PTPRG: variants seen among roughly 807,000 people sequenced by gnomAD.
The protein encoded by PTPRG is protein tyrosine phosphatase receptor type G.
In PTPRG, 102 loss-of-function variants were observed where a neutral mutation model predicts 165.3. The observed-to-expected ratio is 0.62, with a 90% CI of 0.53 to 0.73. The LOEUF is 0.73. PTPRG is among the 30% of genes least tolerant of loss of function. The pLI is 0.00. For synonymous variants in PTPRG, 675 were observed against 669.5 expected (o/e 1.01, Z -0.13); for missense variants, 1,866 against 1,861.4 (o/e 1.00, Z -0.05).
At chr3:61,702,448 G>T (rs2204128) in intron 1 of PTPRG, among the ~76,000 whole-genome samples, 144,205 of 152,316 alleles carry the variant, frequency 0.95, 68,360 homozygotes, top group African/African-American at 0.99. Flanking sequence ...GTCCCTCTTA[G>T]GGAGAGTTAC....
chr3:62,107,206 C>G (rs1702502434), intron 5 of PTPRG, among the ~76,000 whole-genome samples: 1 of 152,202 alleles, frequency 6.6e-6, no homozygotes, highest in African/African-American at 2.4e-5. Flanking sequence ...TCACTAGAAT[C>G]AGATTCGTAG....
chr3:61,687,642 T>G (rs1267116886), intron 1 of PTPRG, among the ~76,000 whole-genome samples: 1 of 152,194 alleles, frequency 6.6e-6, no homozygotes, highest in Non-Finnish European at 1.5e-5. Flanking sequence ...GTTAGGAAAG[T>G]GTGAATTATA....
At chr3:62,177,668 C>G (rs1012189595) in intron 8 of PTPRG, among the ~76,000 whole-genome samples, 2 of 152,142 alleles carry the variant, frequency 1.3e-5, no homozygotes, top group Admixed American at 1.3e-4. Context: ...ACACTTCAGT[C>G]CAGCAGCCAT....
At chr3:62,162,244 G>A (rs1347346774) in intron 7 of PTPRG, among the ~76,000 whole-genome samples, 1 of 152,108 alleles carries the variant, frequency 6.6e-6, no homozygotes, top group East Asian at 1.9e-4. Flanking sequence ...AAGTTGAAAT[G>A]ATTTATATAC....
At chr3:61,821,633 C>G (rs1040264774) in intron 2 of PTPRG, among the ~76,000 whole-genome samples, 1 of 151,952 alleles carries the variant, frequency 6.6e-6, no homozygotes, top group Non-Finnish European at 1.5e-5. Context: ...GCTAGGATGA[C>G]CCTAAGCATA....
At chr3:61,946,305 A>C (rs1313560943) in intron 2 of PTPRG, among the ~76,000 whole-genome samples, 1 of 152,246 alleles carries the variant, frequency 6.6e-6, no homozygotes. Context: ...TGAGAAACAA[A>C]ATACATTTTT....
At chr3:61,846,432 C>A (rs1188982580) in intron 2 of PTPRG, among the ~76,000 whole-genome samples, 1 of 148,016 alleles carries the variant, frequency 6.8e-6, no homozygotes, top group Admixed American at 6.7e-5. Context: ...GCTTCAGAGT[C>A]AAAAAAAACA....
intron 2 of PTPRG, among the ~76,000 whole-genome samples, chr3:61,916,743 T>C (rs1273507652): frequency 6.6e-6 from 1 of 152,188 alleles, no homozygotes; most frequent in Admixed American, 6.5e-5. Flanking sequence ...TAGGAGCTAT[T>C]ATGATGTCCA....
rs956418891 is a variant in PTPRG, at chr3:62,017,439, G to C, written c.519+13942G>C. On this transcript the variant is annotated intron_variant, in intron 4 of 29. Coordinates refer to ENST00000474889, the MANE Select transcript of PTPRG (RefSeq NM_002841.4). ...AATGATTTTTTTTTTTTTTTGAGGC[G>C]GAGTCTCGCTCTTTCGCCCAGGCTG... Among the ~76,000 whole-genome samples the C allele has an allele frequency of 2.7e-5, 4 of 150,828 alleles. No homozygotes were observed. The South Asian group carries it at 8.4e-4, about 32-fold the overall frequency.
At chr3:61,668,563 G>C (rs2365939) in intron 1 of PTPRG, among the ~76,000 whole-genome samples, 119,987 of 152,168 alleles carry the variant, frequency 0.79, 47,762 homozygotes, top group South Asian at 0.89. Context: ...AAGGTTAGGT[G>C]GGGGGAGACC....
intron 8 of PTPRG, 50 bp downstream of exon 8, chr3:62,168,213 T>C (rs752598994): frequency 4.5e-5 from 67 of 1,494,458 alleles, no homozygotes; most frequent in Non-Finnish European, 5.9e-5. Flanking sequence ...TTATCATAAA[T>C]TACTTTAAAT....
At chr3:61,877,778 C>T (rs1160723267) in intron 2 of PTPRG, among the ~76,000 whole-genome samples, 2 of 152,166 alleles carry the variant, frequency 1.3e-5, no homozygotes, top group Non-Finnish European at 2.9e-5. Flanking sequence ...CTTCTCTTTG[C>T]TTCCAAGGTA....
intron 23 of PTPRG, among the ~76,000 whole-genome samples, chr3:62,275,334 G>A (rs555304327): frequency 3.0e-5 from 3 of 99,054 alleles, no homozygotes; most frequent in South Asian, 4.5e-4. Flanking sequence ...GTAGACTCAC[G>A]TAGGTCTTTT....
chr3:62,041,107 T>A (rs1307971803), intron 4 of PTPRG, among the ~76,000 whole-genome samples: 1 of 152,216 alleles, frequency 6.6e-6, no homozygotes, highest in Non-Finnish European at 1.5e-5. Flanking sequence ...CTTGTGGTGG[T>A]TGTGAGAATT....
At chr3:62,063,696 T>C (rs1452519884) in intron 4 of PTPRG, among the ~76,000 whole-genome samples, 1 of 152,204 alleles carries the variant, frequency 6.6e-6, no homozygotes, top group Non-Finnish European at 1.5e-5. Context: ...AGAGAACTAG[T>C]ATCGCTATGT....
chr3:62,029,853 TA>T (rs1230359905), intron 4 of PTPRG, among the ~76,000 whole-genome samples: 1 of 152,224 alleles, frequency 6.6e-6, no homozygotes, highest in African/African-American at 2.4e-5. Flanking sequence ...GCAAGAGTAA[TA>T]TTCCTAAAAT....
intron 10 of PTPRG, among the ~76,000 whole-genome samples, chr3:62,197,527 G>T (rs994272739): frequency 2.0e-5 from 3 of 152,026 alleles, no homozygotes; most frequent in African/African-American, 7.3e-5. Context: ...GAACATATTG[G>T]TCTCTTTCCC....
At chr3:61,574,139 C>T (rs754504733) in intron 1 of PTPRG, among the ~76,000 whole-genome samples, 1 of 151,972 alleles carries the variant, frequency 6.6e-6, no homozygotes, top group Non-Finnish European at 1.5e-5. Flanking sequence ...GAAGGTAGCC[C>T]TCTTATTAGT....
intron 2 of PTPRG, among the ~76,000 whole-genome samples, chr3:61,846,774 G>A (rs555735071): frequency 1.5e-3 from 230 of 152,290 alleles, no homozygotes; most frequent in African/African-American, 5.1e-3. Context: ...AATTAGCCAG[G>A]TGTGGTGGCA....
Sources: gnomAD v4.1 joint callset for allele counts (sites outside exome capture counted in the v4.1 genomes callset) on GRCh38, gnomAD v4.1.1 for gene constraint, MANE v1.5 for transcripts, NCBI Gene and HGNC (gene_info 2026-07-23, HGNC 2026-07-21) for gene names.